MYH16: variants seen among roughly 807,000 people sequenced by gnomAD.
MYH16 encodes the protein putative uncharacterized protein MYH16.
At chr7:99,278,824 CCT>C in intron 21 of MYH16, among the ~76,000 whole-genome samples, 2 of 152,292 alleles carry the variant, frequency 1.3e-5, no homozygotes, top group South Asian at 4.1e-4. Flanking sequence ...TCTTCATACC[CCT>C]GAGAAGTTGC....
At chr7:99,244,367 C>T (rs1791704320) in intron 2 of MYH16, among the ~76,000 whole-genome samples, 1 of 152,228 alleles carries the variant, frequency 6.6e-6, no homozygotes, top group Non-Finnish European at 1.5e-5. Context: ...CCCTGAGTGT[C>T]TTTGAAATCT....
Position 99,246,882 on chromosome 7 carries a change from A to C in MYH16, n.355-712A>C, listed in dbSNP as rs544839202. ...GATGGACCCCAACTTACAATGGTTC[A>C]AGTTAATGATTTCCAACTTTACGAT... On this transcript the variant is annotated intron_variant and non_coding_transcript_variant, in intron 2 of 41. Transcript: ENST00000439784. 3.9e-5 allele frequency among the ~76,000 whole-genome samples: 6 copies of C among 152,244 alleles called. No homozygotes were observed. In the East Asian group the frequency reaches 1.2e-3, roughly 29 times the overall value.
At chr7:99,278,807 T>C (rs1262373209) in intron 21 of MYH16, among the ~76,000 whole-genome samples, 1 of 152,200 alleles carries the variant, frequency 6.6e-6, no homozygotes, top group African/African-American at 2.4e-5. Context: ...ATCATTTCTC[T>C]GTATCCTCTT....
exon 20 of MYH16, chr7:99,273,417 C>T: frequency 2.2e-6 from 1 of 456,748 alleles, no homozygotes; most frequent in South Asian, 1.5e-5. Context: ...GGAAGCTGTA[C>T]AACAAGGTGA....
intron 19 of MYH16, 34 bp from the exon 2 acceptor site, chr7:99,273,308 T>C (rs574778131): frequency 6.6e-6 from 3 of 456,670 alleles, no homozygotes; most frequent in African/African-American, 4.0e-5. Flanking sequence ...AACACCTTCA[T>C]TGTAACCCAC....
intron 31 of MYH16, 100 bp from the exon 13 acceptor site, chr7:99,292,212 C>T (rs773021728): frequency 8.3e-6 from 3 of 361,096 alleles, no homozygotes; most frequent in African/African-American, 2.1e-5. Context: ...TTCCCCCTTT[C>T]GCCTGCCATC....
At chr7:99,266,623 A>G (rs1291015847) in intron 17 of MYH16, among the ~76,000 whole-genome samples, 2 of 152,064 alleles carry the variant, frequency 1.3e-5, no homozygotes, top group African/African-American at 2.4e-5. Context: ...CATTTCTAGA[A>G]ACAGCTCCTC....
At chr7:99,260,503 C>A (rs1394463839) in intron 12 of MYH16, 2 of 374,672 alleles carry the variant, frequency 5.3e-6, no homozygotes, top group Non-Finnish European at 1.0e-5. Flanking sequence ...GAAGTGACTG[C>A]AATGACTACT....
chr7:99,281,352 T>C (rs1343225533), intron 23 of MYH16, among the ~76,000 whole-genome samples: 2 of 151,456 alleles, frequency 1.3e-5, no homozygotes, highest in Non-Finnish European at 2.9e-5. Context: ...AGTTTAGGAG[T>C]TTGAGACCAG....
chr7:99,270,624 A>G (rs1272561971), intron 18 of MYH16, among the ~76,000 whole-genome samples: 2 of 151,490 alleles, frequency 1.3e-5, no homozygotes, highest in African/African-American at 4.8e-5. Context: ...GCCGAAAAAA[A>G]TTTTTTTAAT....
chr7:99,264,766 A>G (rs1414319123), intron 15 of MYH16, among the ~76,000 whole-genome samples: 1 of 152,190 alleles, frequency 6.6e-6, no homozygotes, highest in East Asian at 1.9e-4. Context: ...GGAAGCTAAC[A>G]GTGGACAGGG....
chr7:99,300,706 T>C (rs1792578569), intron 37 of MYH16, among the ~76,000 whole-genome samples: 1 of 152,088 alleles, frequency 6.6e-6, no homozygotes, highest in Non-Finnish European at 1.5e-5. Context: ...CTCAGGAGCC[T>C]GAGGTGGAAG....
At chr7:99,296,384 T>G (rs1344395151) in intron 33 of MYH16, among the ~76,000 whole-genome samples, 1 of 152,000 alleles carries the variant, frequency 6.6e-6, no homozygotes, top group African/African-American at 2.4e-5. Context: ...TTAGGCTGAA[T>G]GTCATAAATC....
At chr7:99,292,603 A>G (rs10266302) in intron 32 of MYH16, 95 bp downstream of exon 13, 16,579 of 406,972 alleles carry the variant, frequency 0.041, 1,970 homozygotes, top group African/African-American at 0.28. Context: ...GGCCAGGGCC[A>G]AGCCCAGGAA....
chr7:99,276,965 C>G (rs148681045), intron 20 of MYH16, among the ~76,000 whole-genome samples: 1 of 150,518 alleles, frequency 6.6e-6, no homozygotes, highest in African/African-American at 2.4e-5. Context: ...AACAGAAACA[C>G]GGAGAGAGAA....
chr7:99,303,896 G>A (rs1239232716), intron 39 of MYH16, among the ~76,000 whole-genome samples: 1 of 152,178 alleles, frequency 6.6e-6, no homozygotes, highest in Non-Finnish European at 1.5e-5. Context: ...CGCAGAGGAG[G>A]ACATTGGTGG....
chr7:99,290,691 TACTC>T (rs1376821602), intron 30 of MYH16, among the ~76,000 whole-genome samples: 3 of 151,420 alleles, frequency 2.0e-5, no homozygotes, highest in African/African-American at 2.4e-5. Context: ...TAATCCCAGT[TACTC>T]AGGAGGCTGA....
chr7:99,304,823 G>C (rs1792657115), intron 40 of MYH16, 67 bp downstream of exon 21: 1 of 152,606 alleles, frequency 6.6e-6, no homozygotes, highest in Non-Finnish European at 1.5e-5. Context: ...GTATGTGTGT[G>C]AGATGCCTGT....
chr7:99,269,328 T>C (rs1584346211), intron 18 of MYH16, among the ~76,000 whole-genome samples: 1 of 150,684 alleles, frequency 6.6e-6, no homozygotes, highest in African/African-American at 2.4e-5. Flanking sequence ...CAGGCTGGAG[T>C]GCAGTGACAC....
Sources: gnomAD v4.1 joint callset for allele counts (sites outside exome capture counted in the v4.1 genomes callset) on GRCh38, gnomAD v4.1.1 for gene constraint, MANE v1.5 for transcripts, NCBI Gene and HGNC (gene_info 2026-07-23, HGNC 2026-07-21) for gene names.